Variants in OR7C1 observed in about 807,000 individuals in gnomAD.
The protein encoded by OR7C1 is olfactory receptor family 7 subfamily C member 1.
For missense variants in OR7C1, 324 were observed against 383.3 expected (o/e 0.85, Z 1.29); for synonymous variants, 152 against 160.7 (o/e 0.95, Z 0.41).
Position 14,818,058 on chromosome 19 carries a change from TTTATTTTATTTATTTA to T in OR7C1, c.-622-8081_-622-8066del, listed in dbSNP as rs1417697030. ...AGCAGTTAATAAGTCATACATTTTA[TTTATTTTATTTATTTA>T]TTTATTTATTTATTTATTTATTTAT... On this transcript the variant is annotated intron_variant, in intron 1 of 4. Transcript: ENST00000641666. 3.5e-4 allele frequency among the ~76,000 whole-genome samples: 25 copies of T among 72,364 alleles called. No individual in the cohort carries two copies. In the Admixed American group the frequency reaches 3.9e-3, roughly 11 times the overall value. The allele number at this position is 72,364 out of a possible 152,430, so 47.5% of individuals were successfully genotyped here.
At chr19:14,808,119 A>G (rs1381336539) in intron 2 of OR7C1, among the ~76,000 whole-genome samples, 1 of 151,670 alleles carries the variant, frequency 6.6e-6, no homozygotes, top group Non-Finnish European at 1.5e-5. Context: ...AAAAACAACA[A>G]CAGATGTTGG....
chr19:14,804,165 C>T (rs1012679217), intron 2 of OR7C1, among the ~76,000 whole-genome samples: 7 of 152,106 alleles, frequency 4.6e-5, no homozygotes, highest in African/African-American at 1.7e-4. Flanking sequence ...GAAGTTAAGG[C>T]AAAGGCTGGA....
chr19:14,823,943 G>T (rs2044753325), intron 1 of OR7C1, among the ~76,000 whole-genome samples: 3 of 147,980 alleles, frequency 2.0e-5, no homozygotes, highest in Admixed American at 6.7e-5. Context: ...AATAAAAATT[G>T]GCTGTAAATT....
chr19:14,827,502 A>G lies in OR7C1; in HGVS notation c.-623+7572T>C, dbSNP rs112351188. ...GATTGCACCATAAAATAAGGAGACA[A>G]CTGAGAGGTGAGATGCACAGGTGGA... On this transcript the variant is annotated intron_variant, in intron 1 of 4. Transcript: ENST00000641666. 3.7e-6 allele frequency: 6 copies of G among 1,614,038 alleles called. No individual in the cohort carries two copies. In the African/African-American group the frequency reaches 8.0e-5, roughly 22 times the overall value.
chr19:14,828,050 G>A, intron 1 of OR7C1: 2 of 1,614,206 alleles, frequency 1.2e-6, no homozygotes, highest in Non-Finnish European at 1.7e-6. Flanking sequence ...AGGACAGGTT[G>A]GAGAGGAAGA....
At chr19:14,819,187 G>T (rs1470643279) in intron 1 of OR7C1, among the ~76,000 whole-genome samples, 2 of 151,664 alleles carry the variant, frequency 1.3e-5, no homozygotes, top group Non-Finnish European at 2.9e-5. Context: ...AATTTCGGGG[G>T]TACATGTGCA....
chr19:14,824,202 C>T (rs370444896), intron 1 of OR7C1: 12 of 152,240 alleles, frequency 7.9e-5, no homozygotes, highest in African/African-American at 2.9e-4. Context: ...CCCTTGAAAC[C>T]AAAGAGAACA....
rs2044635036 is a variant in OR7C1, at chr19:14,800,255, C to T, written c.-14+1G>A. On this transcript the variant is annotated splice_donor_variant, in intron 4 of 4. Coordinates refer to ENST00000641666, the Ensembl canonical transcript of OR7C1. LOFTEE classifies it low-confidence loss of function (5UTR_SPLICE). The stretch of plus-strand genomic sequence containing the variant: ...GAAGGAATCAATTAACAAAAGATTG[C>T]CTTTTTCTTGCTGTCTTTTTCTGGG... 2 of 1,192,236 alleles carry T rather than the reference C, an allele frequency of 1.7e-6. No individual in the cohort carries two copies. The highest frequency in any genetic ancestry group is 2.3e-6 in the Non-Finnish European group (2 of 858,922). 73.9% of individuals were successfully genotyped at this position (1,192,236 alleles called of 1,614,324 possible).
chr19:14,822,225 AT>A (rs1217910671), intron 1 of OR7C1, among the ~76,000 whole-genome samples: 1 of 152,124 alleles, frequency 6.6e-6, no homozygotes, highest in East Asian at 1.9e-4. Flanking sequence ...ATATGCAGTC[AT>A]GGGATTATAC....
intron 1 of OR7C1, among the ~76,000 whole-genome samples, chr19:14,818,495 C>T (rs1227660242): frequency 6.6e-6 from 1 of 152,176 alleles, no homozygotes; most frequent in East Asian, 1.9e-4. Context: ...GCAAGCTTTA[C>T]TTTGCAATTA....
rs137947822 is a variant in OR7C1, at chr19:14,800,065, C to A, written c.72G>T (p.Gln24His). Residue 24 changes from glutamine (Q) to histidine (H), a missense_variant, in exon 5 of 5, where the codon CAG becomes CAT. Transcript: ENST00000641666. Reference sequence around the variant, plus strand: ...AGAGGAACAGCCCAAAGAGAATGAACTGAATCTCTGACGTTGCTGAAAATC... The same window carrying A: ...AGAGGAACAGCCCAAAGAGAATGAAATGAATCTCTGACGTTGCTGAAAATC... The A allele has an allele frequency of 5.7e-5, 91 of 1,609,270 alleles. 1 individual carries two copies. Among genetic ancestry groups the A allele is most frequent in the East Asian group, 4.7e-4 (21 of 44,774 alleles).
At chr19:14,818,742 C>T (rs140381133) in intron 1 of OR7C1, among the ~76,000 whole-genome samples, 38 of 152,140 alleles carry the variant, frequency 2.5e-4, no homozygotes, top group Admixed American at 7.2e-4. Context: ...GGGGTGAATG[C>T]GTTAAAGTTT....
intron 1 of OR7C1, among the ~76,000 whole-genome samples, chr19:14,814,843 C>T (rs1389114814): frequency 6.6e-6 from 1 of 152,186 alleles, no homozygotes; most frequent in African/African-American, 2.4e-5. Context: ...CGTTATACCC[C>T]TTCCTTTTCA....
At chr19:14,799,301 G>T (rs757045876) in exon 5 of OR7C1, 2 of 1,614,156 alleles carry the variant, frequency 1.2e-6, no homozygotes, top group Admixed American at 3.3e-5. Flanking sequence ...GGTGACCATG[G>T]TGTACATCAC....
In OR7C1 at chr19:14,805,408, T is replaced by C. The variant is rs1349316901; in HGVS notation, c.-435+4398A>G. 3.6e-5 allele frequency among the ~76,000 whole-genome samples: 3 copies of C among 84,392 alleles called. No homozygotes were observed. In the East Asian group the frequency reaches 8.8e-4, roughly 25 times the overall value. 55.4% of individuals were successfully genotyped at this position (84,392 alleles called of 152,430 possible). A position where few individuals can be genotyped will look rare whatever the true frequency, so the allele number is the denominator to read the frequency against. On this transcript the variant is annotated intron_variant, in intron 2 of 4. Transcript: ENST00000641666. ...AGGACCCAAGAAACAGGAAAATAATTTTTTTTTTTTTTTTTTTTTTTTTTT... is the reference window on the plus strand; with the variant it reads ...AGGACCCAAGAAACAGGAAAATAATCTTTTTTTTTTTTTTTTTTTTTTTTT...
intron 1 of OR7C1, among the ~76,000 whole-genome samples, chr19:14,833,765 C>T (rs1384359022): frequency 1.3e-5 from 2 of 152,114 alleles, no homozygotes; most frequent in Non-Finnish European, 2.9e-5. Flanking sequence ...AATATTTGCT[C>T]AAAGTCAGTA....
intron 1 of OR7C1, among the ~76,000 whole-genome samples, chr19:14,834,161 C>A (rs2044861624): frequency 6.6e-6 from 1 of 152,126 alleles, no homozygotes; most frequent in Admixed American, 6.5e-5. Flanking sequence ...ACTTGGGAGA[C>A]TGAGGTGGGA....
At chr19:14,826,216 G>A (rs1261392280) in intron 1 of OR7C1, 2 of 152,214 alleles carry the variant, frequency 1.3e-5, no homozygotes, top group East Asian at 3.9e-4. Context: ...CATTCCCAGA[G>A]GCATGACTGG....
intron 1 of OR7C1, among the ~76,000 whole-genome samples, chr19:14,831,612 T>C (rs2044833305): frequency 6.6e-6 from 1 of 151,988 alleles, no homozygotes. Context: ...GCCCGGCTAA[T>C]TTTTGTATTT....
Sources: allele counts gnomAD v4.1 joint callset (sites outside exome capture counted in the v4.1 genomes callset), GRCh38; gene constraint gnomAD v4.1.1; transcripts MANE v1.5; gene names NCBI Gene and HGNC (gene_info 2026-07-23, HGNC 2026-07-21).